CSMD1: variants seen among roughly 807,000 people sequenced by gnomAD.
CSMD1 encodes CUB and Sushi multiple domains 1.
In CSMD1, 213 loss-of-function variants were observed where a neutral mutation model predicts 417.5. The ratio of observed to expected loss-of-function variants is 0.51; its 90% CI spans 0.46 to 0.57. CSMD1 has a LOEUF of 0.57. CSMD1 is among the 20% of genes least tolerant of loss of function. The pLI, the probability that CSMD1 is intolerant of heterozygous loss-of-function variation, is 0.00. For missense variants in CSMD1, 6,923 were observed against 4,529.7 expected (o/e 1.53, Z -15.17); for synonymous variants, 2,862 against 1,736.8 (o/e 1.65, Z -16.11).
In CSMD1 at chr8:4,026,859, G is replaced by C. The variant is rs192980535; in HGVS notation, c.610+5046C>G. Among the ~76,000 whole-genome samples the C allele has an allele frequency of 8.5e-5, 13 of 152,282 alleles. No homozygotes were observed. In the East Asian group the frequency reaches 2.5e-3, roughly 29 times the overall value. On this transcript the variant is annotated intron_variant, in intron 4 of 69. Coordinates refer to ENST00000635120, the MANE Select transcript of CSMD1 (RefSeq NM_033225.6). Reference sequence around the variant, plus strand: ...ACTCTGTGGCAGTGTAAAAACCTGAGCAAAAGTTTGGAATTTGGCAAGGTG... The same window carrying C: ...ACTCTGTGGCAGTGTAAAAACCTGACCAAAAGTTTGGAATTTGGCAAGGTG...
intron 5 of CSMD1, among the ~76,000 whole-genome samples, chr8:3,979,516 C>T (rs1164426820): frequency 6.6e-6 from 1 of 152,194 alleles, no homozygotes; most frequent in Non-Finnish European, 1.5e-5. Flanking sequence ...TATACAGAAG[C>T]TGTAACTCTC....
intron 5 of CSMD1, among the ~76,000 whole-genome samples, chr8:3,862,167 C>G (rs979249528): frequency 1.2e-4 from 18 of 150,690 alleles, no homozygotes; most frequent in African/African-American, 4.4e-4. Flanking sequence ...TGCCTTCTAC[C>G]TATACAACAT....
intron 2 of CSMD1, among the ~76,000 whole-genome samples, chr8:4,622,629 C>T (rs935893668): frequency 2.6e-5 from 4 of 152,100 alleles, no homozygotes; most frequent in Middle Eastern, 3.2e-3. Flanking sequence ...GAAAGAAGAG[C>T]AGGTTTGGAA....
At chr8:4,912,135 A>AAAAAAGAAAAAAAAG (rs1554518068) in intron 1 of CSMD1, among the ~76,000 whole-genome samples, 4 of 115,612 alleles carry the variant, frequency 3.5e-5, no homozygotes, top group Admixed American at 9.3e-5. Context: ...AAAAAAAAAA[A>AAAAAAGAAAAAAAAG]AAAAAAGAAA....
rs1241182924 is a variant in CSMD1, at chr8:4,673,451, G to T, written c.86-35893C>A. Among the ~76,000 whole-genome samples the T allele has an allele frequency of 2.6e-5, 4 of 152,112 alleles. No homozygotes were observed. The South Asian group carries it at 8.3e-4, about 32-fold the overall frequency. On this transcript the variant is annotated intron_variant, in intron 1 of 69. Transcript: ENST00000635120. ...GGCCCAGAGGTGTTGAGGCACACTTGATATCATTGGCCACATTATCTAAAA... is the reference window on the plus strand; with the variant it reads ...GGCCCAGAGGTGTTGAGGCACACTTTATATCATTGGCCACATTATCTAAAA...
chr8:4,780,834 C>T (rs961362713), intron 1 of CSMD1, among the ~76,000 whole-genome samples: 35 of 152,154 alleles, frequency 2.3e-4, no homozygotes, highest in African/African-American at 8.4e-4. Flanking sequence ...GTTTTCCGTT[C>T]CTCAGTTACT....
At chr8:4,455,171 G>C (rs1178708266) in intron 2 of CSMD1, among the ~76,000 whole-genome samples, 3 of 151,852 alleles carry the variant, frequency 2.0e-5, no homozygotes, top group South Asian at 4.2e-4. Flanking sequence ...TGGTATTTCA[G>C]AATTAAAGAT....
chr8:3,245,796 C>T (rs1474710035), intron 26 of CSMD1, among the ~76,000 whole-genome samples: 1 of 152,136 alleles, frequency 6.6e-6, no homozygotes, highest in Non-Finnish European at 1.5e-5. Flanking sequence ...AGCCCTCTTG[C>T]TAGGGGACTA....
intron 5 of CSMD1, among the ~76,000 whole-genome samples, chr8:3,942,377 C>T (rs1810941677): frequency 6.6e-6 from 1 of 152,132 alleles, no homozygotes; most frequent in South Asian, 2.1e-4. Context: ...GCTACCTTAA[C>T]CCAAGCACCT....
intron 3 of CSMD1, among the ~76,000 whole-genome samples, chr8:4,405,548 C>A (rs1804947610): frequency 6.6e-6 from 1 of 152,110 alleles, no homozygotes; most frequent in African/African-American, 2.4e-5. Context: ...TGCCATGAAA[C>A]CATCACCATG....
chr8:2,978,567 C>A, intron 55 of CSMD1, 45 bp downstream of exon 55: 1 of 1,454,654 alleles, frequency 6.9e-7, no homozygotes, highest in South Asian at 1.4e-5. Context: ...TGATGGTGAC[C>A]TTGCAGGGGT....
At chr8:3,402,035 C>A (rs998901572) in intron 15 of CSMD1, among the ~76,000 whole-genome samples, 3 of 151,924 alleles carry the variant, frequency 2.0e-5, no homozygotes, top group African/African-American at 7.3e-5. Context: ...CACACATACA[C>A]CCCTTCTTGA....
chr8:4,798,834 T>A (rs1311535114), intron 1 of CSMD1, among the ~76,000 whole-genome samples: 1 of 152,190 alleles, frequency 6.6e-6, no homozygotes, highest in Non-Finnish European at 1.5e-5. Flanking sequence ...CTGCCTAAAG[T>A]TTCATATAAC....
At chr8:3,660,643 C>T (rs1215371876) in intron 7 of CSMD1, among the ~76,000 whole-genome samples, 1 of 151,454 alleles carries the variant, frequency 6.6e-6, no homozygotes, top group Non-Finnish European at 1.5e-5. Context: ...ACCTCAGCCT[C>T]CTGAGTAGCT....
At chr8:4,526,306 T>C (rs904297829) in intron 2 of CSMD1, among the ~76,000 whole-genome samples, 6 of 152,208 alleles carry the variant, frequency 3.9e-5, no homozygotes, top group African/African-American at 1.4e-4. Context: ...AGGAAATGTA[T>C]TAATGTCAGA....
chr8:4,974,148 C>G (rs1032152455), intron 1 of CSMD1, among the ~76,000 whole-genome samples: 1 of 151,640 alleles, frequency 6.6e-6, no homozygotes, highest in African/African-American at 2.4e-5. Flanking sequence ...TCCCGAGTAG[C>G]TGAGATTACA....
At chr8:3,492,910 G>C (rs1428081681) in intron 11 of CSMD1, among the ~76,000 whole-genome samples, 1 of 151,916 alleles carries the variant, frequency 6.6e-6, no homozygotes, top group Non-Finnish European at 1.5e-5. Flanking sequence ...TTCCAAAAAA[G>C]ACCTGTATTT....
rs1797276663 is a variant in CSMD1 at position 4,422,025 on chromosome 8, A to G, written c.303-1960T>C. 3.3e-5 allele frequency among the ~76,000 whole-genome samples: 5 copies of G among 152,262 alleles called. No homozygotes were observed. In the South Asian group the frequency reaches 1.0e-3, roughly 32 times the overall value. On this transcript the variant is annotated intron_variant, in intron 2 of 69. Transcript: ENST00000635120. ...ATAAAAGTTACTACAGAAACTACATATGTAAAATTGGCAACTAAGACAATA... is the reference window on the plus strand; with the variant it reads ...ATAAAAGTTACTACAGAAACTACATGTGTAAAATTGGCAACTAAGACAATA...
At chr8:3,637,652 T>TC (rs1024126391) in intron 7 of CSMD1, among the ~76,000 whole-genome samples, 2 of 152,194 alleles carry the variant, frequency 1.3e-5, no homozygotes, top group Non-Finnish European at 2.9e-5. Flanking sequence ...TATGATTCAA[T>TC]CCCCCCAACA....
Sources: gnomAD v4.1 joint callset for allele counts (sites outside exome capture counted in the v4.1 genomes callset) on GRCh38, gnomAD v4.1.1 for gene constraint, MANE v1.5 for transcripts, NCBI Gene and HGNC (gene_info 2026-07-23, HGNC 2026-07-21) for gene names.